The following BAZ2B variants were observed in gnomAD, a reference collection of about 807,000 sequenced individuals.
The protein encoded by BAZ2B is bromodomain adjacent to zinc finger domain 2B.
BAZ2B carries 91 observed loss-of-function variants against 246.0 expected under a neutral mutation model. The ratio of observed to expected loss-of-function variants is 0.37; its 90% confidence interval spans 0.31 to 0.44. BAZ2B has a LOEUF of 0.44. BAZ2B is among the 20% of genes least tolerant of loss of function. The pLI is 1.00. For missense variants in BAZ2B, 2,332 were observed against 2,533.7 expected (o/e 0.92, Z 1.71); for synonymous variants, 855 against 860.0 (o/e 0.99, Z 0.10).
At chr2:159,596,616 T>C (rs529663087) in intron 1 of BAZ2B, among the ~76,000 whole-genome samples, 1 of 152,312 alleles carries the variant, frequency 6.6e-6, no homozygotes, top group South Asian at 2.1e-4. Context: ...GAGATTTTGG[T>C]GCACCCAACA....
chr2:159,317,396 AG>A (rs1391518468), downstream of BAZ2B, among the ~76,000 whole-genome samples: 2 of 152,238 alleles, frequency 1.3e-5, no homozygotes, highest in African/African-American at 4.8e-5. Context: ...AACAAGAAAA[AG>A]ATCACCTTGC....
intron 21 of BAZ2B, among the ~76,000 whole-genome samples, chr2:159,389,134 C>CAAAA (rs1253640446): frequency 6.6e-6 from 1 of 151,840 alleles, no homozygotes; most frequent in African/African-American, 2.4e-5. Context: ...ACCAAACAAA[C>CAAAA]AAACAAAAAA....
chr2:159,641,647 T>C, the BAZ2B span, among the ~76,000 whole-genome samples: 3 of 152,186 alleles, frequency 2.0e-5, no homozygotes, highest in African/African-American at 7.2e-5. Context: ...GCCTATCTCC[T>C]GAATAGTATT....
In BAZ2B at chr2:159,410,847, A is replaced by G. The variant is rs7595940; in HGVS notation, c.2677+1488T>C. 6.3e-3 allele frequency among the ~76,000 whole-genome samples: 967 copies of G among 152,304 alleles called. 5 individuals are homozygous for G. Among genetic ancestry groups the G allele is most frequent in the African/African-American group, 0.022 (903 of 41,574 alleles). On this transcript the variant is annotated intron_variant, in intron 14 of 36. Transcript: ENST00000392783. Reference sequence around the variant, plus strand: ...TGTAATATATATTTATTATAATTGTATGATAGTGAAGATCTAGAAGTAGCT... The same window carrying G: ...TGTAATATATATTTATTATAATTGTGTGATAGTGAAGATCTAGAAGTAGCT...
chr2:159,432,349 A>T (rs939021032), intron 9 of BAZ2B, among the ~76,000 whole-genome samples: 1 of 151,384 alleles, frequency 6.6e-6, no homozygotes, highest in Non-Finnish European at 1.5e-5. Flanking sequence ...ATGAACATTC[A>T]TAGAGATTTA....
the BAZ2B span, among the ~76,000 whole-genome samples, chr2:159,653,429 G>A: frequency 6.6e-6 from 1 of 151,482 alleles, no homozygotes; most frequent in East Asian, 1.9e-4. Context: ...ATATGCAGCT[G>A]ACCCAGATAT....
At chr2:159,647,759 A>G in the BAZ2B span, among the ~76,000 whole-genome samples, 1 of 152,196 alleles carries the variant, frequency 6.6e-6, no homozygotes, top group African/African-American at 2.4e-5. Context: ...GACTTTGAAA[A>G]AGTAATGTGA....
At chr2:159,543,756 G>C (rs1399288942) in intron 2 of BAZ2B, among the ~76,000 whole-genome samples, 1 of 152,142 alleles carries the variant, frequency 6.6e-6, no homozygotes, top group Non-Finnish European at 1.5e-5. Context: ...GGCTGGTCTT[G>C]ATCCCTTGAC....
rs772758408 is a variant in BAZ2B at position 159,350,260 on chromosome 2, A to G, written c.4311T>C (p.Asn1437=). The part of the protein sequence containing the change: ...EMFETSGDSL[N]CSNTDHCEQK... ...GTTCACAGTGATCTGTATTTGAACA[A>G]TTTAAACTGTCCCCAGAAGTCTCAA... The change falls in exon 28 of 37, where the codon AAT becomes AAC. Residue 1437 remains asparagine (N), a synonymous_variant. Transcript: ENST00000392783. 1 of 1,612,500 alleles carries G rather than the reference A, an allele frequency of 6.2e-7. No individual in the cohort carries two copies. Among genetic ancestry groups the G allele is most frequent in the South Asian group, 1.1e-5 (1 of 90,970 alleles).
At chr2:159,674,466 G>A in the BAZ2B span, among the ~76,000 whole-genome samples, 11,611 of 152,016 alleles carry the variant, frequency 0.076, 937 homozygotes, top group African/African-American at 0.2. Flanking sequence ...TGCATTCCCA[G>A]CACTTTGGGA....
At chr2:159,698,235 T>C in the BAZ2B span, among the ~76,000 whole-genome samples, 1 of 152,046 alleles carries the variant, frequency 6.6e-6, no homozygotes, top group South Asian at 2.1e-4. Context: ...AAAAATATTT[T>C]ACTAGGCCAG....
chr2:159,470,767 A>G (rs1379293816), intron 3 of BAZ2B, among the ~76,000 whole-genome samples: 2 of 152,230 alleles, frequency 1.3e-5, no homozygotes, highest in East Asian at 3.8e-4. Context: ...TGATTGTGGT[A>G]TCATTTAATG....
chr2:159,375,072 G>GTGGC (rs2061280149), intron 25 of BAZ2B, among the ~76,000 whole-genome samples: 1 of 152,092 alleles, frequency 6.6e-6, no homozygotes, highest in African/African-American at 2.4e-5. Context: ...AATTAGCTTA[G>GTGGC]TGGCTTGTTC....
In BAZ2B at chr2:159,453,648, G is replaced by C. The variant is rs1354911351; in HGVS notation, c.299C>G (p.Ala100Gly). ...TGCTAGTTGGGGATGTGCGGCTAAG[G>C]CTGTGGGTGTACCAAGTGTCCCCAA... The part of the protein sequence containing the change: ...GGLGTLGTPT[A>G]LAAHPQLASF... The change falls in exon 4 of 37, where the codon GCC becomes GGC. Residue 100 changes from alanine (A) to glycine (G), a missense_variant. Physicochemically the swap from Ala to Gly is moderately conservative, Grantham distance 60 (BLOSUM62 0). Coordinates refer to ENST00000392783, the MANE Select transcript of BAZ2B (RefSeq NM_013450.4). The C allele has an allele frequency of 1.9e-6, 3 of 1,613,066 alleles. No individual in the cohort carries two copies. Among genetic ancestry groups the C allele is most frequent in the Non-Finnish European group, 2.5e-6 (3 of 1,179,504 alleles).
intron 23 of BAZ2B, among the ~76,000 whole-genome samples, chr2:159,384,453 T>C (rs772937547): frequency 6.6e-6 from 1 of 152,030 alleles, no homozygotes; most frequent in East Asian, 1.9e-4. Context: ...CTGGTAGAAA[T>C]GCATGACCCC....
intron 2 of BAZ2B, among the ~76,000 whole-genome samples, chr2:159,553,392 CAAAAAAAAAAAAAAAA>C (rs35253250): frequency 2.7e-5 from 2 of 73,810 alleles, no homozygotes; most frequent in African/African-American, 1.1e-4. Context: ...GACTCTGTCT[CAAAAAAAAAAAAAAAA>C]AAAAAAAAGA....
At chr2:159,662,108 T>C in the BAZ2B span, among the ~76,000 whole-genome samples, 1 of 152,246 alleles carries the variant, frequency 6.6e-6, no homozygotes. Context: ...TGTGGCCTTG[T>C]GTATTTGGTT....
the BAZ2B span, among the ~76,000 whole-genome samples, chr2:159,638,719 A>T: frequency 6.6e-6 from 1 of 152,046 alleles, no homozygotes; most frequent in Non-Finnish European, 1.5e-5. Context: ...CAAAAGAAAA[A>T]AAATAAAAAT....
At chr2:159,483,643 C>T (rs1025585718) in intron 2 of BAZ2B, among the ~76,000 whole-genome samples, 9 of 151,672 alleles carry the variant, frequency 5.9e-5, no homozygotes, top group Admixed American at 2.0e-4. Context: ...AAGACCCACG[C>T]GGTAGTGGGT....
Sources: gnomAD v4.1 joint callset for allele counts (sites outside exome capture counted in the v4.1 genomes callset) on GRCh38, gnomAD v4.1.1 for gene constraint, MANE v1.5 for transcripts, NCBI Gene and HGNC (gene_info 2026-07-23, HGNC 2026-07-21) for gene names.